Variants in KCNJ6 observed in about 807,000 individuals in gnomAD.
The protein encoded by KCNJ6 is potassium inwardly rectifying channel subfamily J member 6.
KCNJ6 carries 9 observed loss-of-function variants against 34.2 expected under a neutral mutation model. The observed-to-expected ratio is 0.26, with a 90% CI of 0.16 to 0.46. The LOEUF (loss-of-function observed/expected upper bound fraction) is 0.46. KCNJ6 is among the 20% of genes least tolerant of loss of function. The pLI is 1.00. For synonymous variants in KCNJ6, 196 were observed against 207.1 expected, an observed-to-expected ratio of 0.95 and a Z score of 0.46; for missense variants, 236 against 531.3, an observed-to-expected ratio of 0.44 and a Z score of 5.46.
intron 2 of KCNJ6, among the ~76,000 whole-genome samples, chr21:37,827,367 T>C (rs2055404068): frequency 6.6e-6 from 1 of 152,194 alleles, no homozygotes; most frequent in South Asian, 2.1e-4. Flanking sequence ...ACAATGAGAT[T>C]TCAGGTGTAA....
chr21:37,635,962 A>C (rs2054355987), intron 3 of KCNJ6, among the ~76,000 whole-genome samples: 1 of 152,232 alleles, frequency 6.6e-6, no homozygotes, highest in African/African-American at 2.4e-5. Context: ...ATTCATGCAA[A>C]GGTCCTTCTT....
At chr21:37,716,350 G>GTTAT (rs892113430) in intron 2 of KCNJ6, among the ~76,000 whole-genome samples, 1 of 149,584 alleles carries the variant, frequency 6.7e-6, no homozygotes, top group Non-Finnish European at 1.5e-5. Context: ...TTAGCTTGTG[G>GTTAT]TTATTTTTTT....
intron 1 of KCNJ6, among the ~76,000 whole-genome samples, chr21:37,850,679 T>C (rs1212999320): frequency 6.6e-6 from 1 of 152,060 alleles, no homozygotes; most frequent in Non-Finnish European, 1.5e-5. Context: ...AGCTTGACCC[T>C]GTTTTAAGGA....
At chr21:37,674,161 T>C (rs1422945645) in intron 3 of KCNJ6, among the ~76,000 whole-genome samples, 3 of 152,134 alleles carry the variant, frequency 2.0e-5, no homozygotes, top group Non-Finnish European at 2.9e-5. Context: ...ACCCAACCTG[T>C]CCCCAATGTC....
chr21:37,699,701 G>T (rs970391357), intron 3 of KCNJ6, among the ~76,000 whole-genome samples: 62 of 152,208 alleles, frequency 4.1e-4, no homozygotes, highest in African/African-American at 1.2e-3. Context: ...GATATTCCTA[G>T]TTGGCAGAGT....
chr21:37,907,698 G>A (rs1601526184), intron 1 of KCNJ6, among the ~76,000 whole-genome samples: 1 of 152,128 alleles, frequency 6.6e-6, no homozygotes, highest in South Asian at 2.1e-4. Context: ...TTAGAGCCCA[G>A]CAGAACAATT....
At chr21:37,654,692 C>G (rs566740886) in intron 3 of KCNJ6, among the ~76,000 whole-genome samples, 1 of 152,312 alleles carries the variant, frequency 6.6e-6, no homozygotes, top group South Asian at 2.1e-4. Context: ...TTCCATTTCA[C>G]TGATGAGCAA....
chr21:37,875,389 G>A (rs1205625493), intron 1 of KCNJ6, among the ~76,000 whole-genome samples: 1 of 152,190 alleles, frequency 6.6e-6, no homozygotes, highest in East Asian at 1.9e-4. Flanking sequence ...CGCCCATCCT[G>A]CTTCCTCCTC....
chr21:37,879,391 C>T (rs1196101427), intron 1 of KCNJ6, among the ~76,000 whole-genome samples: 1 of 152,116 alleles, frequency 6.6e-6, no homozygotes, highest in East Asian at 1.9e-4. Context: ...GATGCTCCAG[C>T]ACTAAACTTG....
At chr21:37,805,635 C>T (rs2055290060) in intron 2 of KCNJ6, among the ~76,000 whole-genome samples, 2 of 151,962 alleles carry the variant, frequency 1.3e-5, no homozygotes. Flanking sequence ...TGAAATAAGG[C>T]ATTTGCAGAA....
intron 2 of KCNJ6, among the ~76,000 whole-genome samples, chr21:37,717,727 G>A (rs1413713280): frequency 6.6e-6 from 1 of 152,228 alleles, no homozygotes; most frequent in Non-Finnish European, 1.5e-5. Context: ...CGTCTTGACC[G>A]CTGGGAGGCT....
chr21:37,657,984 G>A (rs1322134736), intron 3 of KCNJ6, among the ~76,000 whole-genome samples: 2 of 152,206 alleles, frequency 1.3e-5, no homozygotes, highest in Non-Finnish European at 2.9e-5. Context: ...TGCCTTGCAG[G>A]GCTGGTCTTA....
At chr21:37,837,016 C>T (rs761998079) in intron 2 of KCNJ6, among the ~76,000 whole-genome samples, 5 of 151,874 alleles carry the variant, frequency 3.3e-5, no homozygotes, top group Non-Finnish European at 5.9e-5. Context: ...TCTCTCCCTA[C>T]CTCCTCTCCC....
At chr21:37,888,649 T>A (rs771929532) in intron 1 of KCNJ6, among the ~76,000 whole-genome samples, 26 of 152,318 alleles carry the variant, frequency 1.7e-4, no homozygotes, top group Non-Finnish European at 3.7e-4. Context: ...TGCCCAGCCA[T>A]CTCCGTGAAG....
intron 2 of KCNJ6, among the ~76,000 whole-genome samples, chr21:37,728,949 C>T (rs138656964): frequency 2.6e-5 from 4 of 152,242 alleles, no homozygotes; most frequent in Non-Finnish European, 5.9e-5. Context: ...TCTGTGTTGT[C>T]ATGTGAAGGT....
chr21:37,822,297 C>G (rs769478096), intron 2 of KCNJ6, among the ~76,000 whole-genome samples: 5 of 152,206 alleles, frequency 3.3e-5, no homozygotes, highest in Admixed American at 2.0e-4. Flanking sequence ...CCATACCACT[C>G]TGAACATGCC....
At chr21:37,780,721 A>C (rs1290827876) in intron 2 of KCNJ6, among the ~76,000 whole-genome samples, 1 of 152,168 alleles carries the variant, frequency 6.6e-6, no homozygotes, top group Non-Finnish European at 1.5e-5. Context: ...TAACTAAAAG[A>C]CTACATAATT....
chr21:37,845,229 G>C (rs1233865526), intron 1 of KCNJ6, among the ~76,000 whole-genome samples: 1 of 152,128 alleles, frequency 6.6e-6, no homozygotes, highest in African/African-American at 2.4e-5. Context: ...GGGAGCCAAG[G>C]GTTTTTATAT....
intron 2 of KCNJ6, among the ~76,000 whole-genome samples, chr21:37,795,303 G>A (rs533735538): frequency 1.3e-5 from 2 of 152,272 alleles, no homozygotes; most frequent in South Asian, 2.1e-4. Flanking sequence ...GCATGCCTTC[G>A]GGTGATGGAA....
Sources: allele counts gnomAD v4.1 joint callset (sites outside exome capture counted in the v4.1 genomes callset), GRCh38; gene constraint gnomAD v4.1.1; transcripts MANE v1.5; gene names NCBI Gene and HGNC (gene_info 2026-07-23, HGNC 2026-07-21).